The following TMEM40 variants were observed in gnomAD, a reference collection of about 807,000 sequenced individuals.
TMEM40 encodes transmembrane protein 40.
In TMEM40, 34 loss-of-function variants were observed where a neutral mutation model predicts 40.8. That is an observed-to-expected ratio of 0.83 (90% confidence interval 0.63 to 1.11). The LOEUF (loss-of-function observed/expected upper bound fraction) is 1.11, where lower values mean the gene tolerates loss of function less well. Ranked by LOEUF, TMEM40 falls within the 50% of genes least tolerant of loss-of-function variation. The pLI is 0.00. For synonymous variants in TMEM40, 106 were observed against 107.0 expected, an observed-to-expected ratio of 0.99 and a Z score of 0.06; for missense variants, 296 against 280.2, an observed-to-expected ratio of 1.06 and a Z score of -0.40.
chr3:12,748,620 T>A lies in TMEM40; in HGVS notation c.211+35A>T, dbSNP rs765282209. On this transcript the variant is annotated intron_variant, in intron 3 of 11. Coordinates refer to ENST00000314124, the MANE Select transcript of TMEM40 (RefSeq NM_018306.4). ...TATTTCCCCATGTAAATCTTTTTCT[T>A]GAATAATATACATATATTTAAATCT... 8 of 1,580,948 alleles carry A rather than the reference T, an allele frequency of 5.1e-6. No individual in the cohort carries two copies. In the South Asian group the frequency reaches 6.7e-5, roughly 13 times the overall value.
At chr3:12,741,866 C>G (rs9825561) in intron 5 of TMEM40, among the ~76,000 whole-genome samples, 15,017 of 151,634 alleles carry the variant, frequency 0.099, 2,095 homozygotes, top group African/African-American at 0.31. Context: ...AGGCCAAGGC[C>G]GGAGGATCAC....
In TMEM40 at chr3:12,748,702, G is replaced by A. The variant is rs761392282; in HGVS notation, c.164C>T (p.Ser55Phe). ...YERNKSSSSSSSSSSSSSSSS... is the reference protein window; with the variant it reads ...YERNKSSSSSFSSSSSSSSSS... ...AGATGAGGAGGATGAGGAGGAAGAGGAGGAGGAGGAAGAAGACTTGTTTCT... is the reference window on the plus strand; with the variant it reads ...AGATGAGGAGGATGAGGAGGAAGAGAAGGAGGAGGAAGAAGACTTGTTTCT... The change falls in exon 3 of 12, where the codon TCC becomes TTC. Residue 55 changes from serine to phenylalanine, a missense_variant. Ser to Phe is a radical substitution (Grantham distance 155). Transcript: ENST00000314124. 3 of 1,613,726 alleles carry A rather than the reference G, an allele frequency of 1.9e-6. No homozygotes were observed. The highest frequency in any genetic ancestry group is 1.3e-5 in the African/African-American group (1 of 74,908).
intron 3 of TMEM40, among the ~76,000 whole-genome samples, chr3:12,744,435 C>T (rs192916758): frequency 1.2e-4 from 18 of 152,310 alleles, no homozygotes; most frequent in African/African-American, 4.3e-4. Context: ...GCTGATGTCA[C>T]ACCTCCTGTA....
At chr3:12,742,197 T>A (rs996964679) in intron 5 of TMEM40, among the ~76,000 whole-genome samples, 1 of 152,090 alleles carries the variant, frequency 6.6e-6, no homozygotes, top group African/African-American at 2.4e-5. Flanking sequence ...ACCACTGCAC[T>A]CCAGCCTGGG....
intron 1 of TMEM40, among the ~76,000 whole-genome samples, chr3:12,757,205 C>G (rs939212589): frequency 5.9e-5 from 9 of 152,168 alleles, no homozygotes; most frequent in African/African-American, 2.4e-5. Context: ...TGCGGTGGCT[C>G]ATGTCTGTAA....
At chr3:12,744,104 G>A (rs560220334) in intron 3 of TMEM40, 115 bp from the exon 4 acceptor site, 2 of 1,056,340 alleles carry the variant, frequency 1.9e-6, no homozygotes, top group Non-Finnish European at 2.7e-6. Flanking sequence ...TGGTTTGGTG[G>A]GAGGAACTCT....
rs111416953 is a variant in TMEM40 at position 12,738,632 on chromosome 3, G to A, written c.356-44C>T. The A allele has an allele frequency of 7.7e-4, 1,226 of 1,582,428 alleles. 13 individuals are homozygous for A. The African/African-American group carries it at 0.014, about 18-fold the overall frequency. On this transcript the variant is annotated intron_variant, in intron 5 of 11. Transcript: ENST00000314124. ...AGTGATCATATACCCATGATCCTCT[G>A]GGGGGGGAGAAGTCATGCTTCAGGG...
chr3:12,763,340 T>C (rs2061581300), upstream of TMEM40, among the ~76,000 whole-genome samples: 1 of 152,108 alleles, frequency 6.6e-6, no homozygotes. Flanking sequence ...TGGTACAGGA[T>C]GGATGAACCT....
intron 3 of TMEM40, among the ~76,000 whole-genome samples, chr3:12,745,273 A>G: frequency 7.0e-6 from 1 of 141,988 alleles, no homozygotes; most frequent in Admixed American, 7.2e-5. Flanking sequence ...TCACCATGTT[A>G]GTGAGGCTGG....
intron 1 of TMEM40, among the ~76,000 whole-genome samples, chr3:12,768,817 G>A (rs6797393): frequency 0.5 from 75,159 of 151,186 alleles, 19,423 homozygotes; most frequent in Non-Finnish European, 0.58. Flanking sequence ...TTGGGCGGTC[G>A]ATGGGACCGG....
chr3:12,760,302 C>T (rs2061560425), upstream of TMEM40, among the ~76,000 whole-genome samples: 2 of 152,164 alleles, frequency 1.3e-5, no homozygotes, highest in South Asian at 4.1e-4. Context: ...GCAGCTGCCA[C>T]ACTCCCACTG....
chr3:12,764,842 G>A (rs924139133), intron 1 of TMEM40, among the ~76,000 whole-genome samples: 6 of 152,104 alleles, frequency 3.9e-5, no homozygotes, highest in Non-Finnish European at 8.8e-5. Context: ...AACCCAGGAG[G>A]CAGGTTTACA....
chr3:12,755,239 CTTTCTT>C (rs1559533402), intron 1 of TMEM40, among the ~76,000 whole-genome samples: 121 of 88,882 alleles, frequency 1.4e-3, no homozygotes, highest in South Asian at 1.4e-3. Flanking sequence ...CTCTCTCTTT[CTTTCTT>C]TCTTTCTTTC....
chr3:12,755,227 CTCTCTCTCTTTCTTTCTTTCTT>C (rs1234904847), intron 1 of TMEM40, among the ~76,000 whole-genome samples: 2 of 93,078 alleles, frequency 2.1e-5, no homozygotes, highest in African/African-American at 1.3e-4. Flanking sequence ...CTCTCTCTCT[CTCTCTCTCTTTCTTTCTTTCTT>C]TCTTTCTTTC....
chr3:12,735,189 G>C (rs1309995507), intron 11 of TMEM40, among the ~76,000 whole-genome samples: 1 of 152,154 alleles, frequency 6.6e-6, no homozygotes, highest in African/African-American at 2.4e-5. Context: ...TACCTCCCCA[G>C]TTGCTATTAG....
chr3:12,759,721 G>A (rs796484282), upstream of TMEM40, among the ~76,000 whole-genome samples: 17 of 152,318 alleles, frequency 1.1e-4, no homozygotes, highest in African/African-American at 3.8e-4. Flanking sequence ...GGGCTCAGGA[G>A]ACTGGCAGTG....
In TMEM40 at chr3:12,743,916, G is replaced by C; in HGVS notation, c.285C>G (p.His95Gln). ...HRRSLGAGYP[H>Q]GNGSPGPGHG... ...ATTTCCTACCGGGTGAGCCGTTCCC[G>C]TGGGGGTATCCAGCCCCCAGGCTCC... The change falls in exon 4 of 12, where the codon CAC (histidine) becomes CAG (glutamine). Residue 95 changes from histidine (H) to glutamine (Q), a missense_variant. His to Gln is a conservative substitution (Grantham distance 24, BLOSUM62 0). Coordinates refer to ENST00000314124, the MANE Select transcript of TMEM40 (RefSeq NM_018306.4). 1.2e-6 allele frequency: 2 copies of C among 1,613,290 alleles called. No homozygotes were observed. The highest frequency in any genetic ancestry group is 2.7e-5 in the African/African-American group (2 of 75,050).
At chr3:12,735,192 G>T (rs1373343569) in intron 11 of TMEM40, among the ~76,000 whole-genome samples, 9 of 152,296 alleles carry the variant, frequency 5.9e-5, no homozygotes, top group Admixed American at 4.6e-4. Context: ...CTCCCCAGTT[G>T]CTATTAGGCA....
rs62243684 is a variant in TMEM40, at chr3:12,765,269, C to T, written c.-9+3982G>A. 2.1e-4 allele frequency among the ~76,000 whole-genome samples: 32 copies of T among 152,104 alleles called. No homozygotes were observed. In the East Asian group the frequency reaches 6.0e-3, roughly 28 times the overall value. On this transcript the variant is annotated intron_variant, in intron 1 of 11. Coordinates refer to the TMEM40 transcript ENST00000264728. Reference sequence around the variant, plus strand: ...TACTCAACAATCTTATTGTTTTAAGCAGAAAAATCCTTTTGACAAATAAAA... The same window carrying T: ...TACTCAACAATCTTATTGTTTTAAGTAGAAAAATCCTTTTGACAAATAAAA...
Sources: gnomAD v4.1 joint callset for allele counts (sites outside exome capture counted in the v4.1 genomes callset) on GRCh38, gnomAD v4.1.1 for gene constraint, MANE v1.5 for transcripts, NCBI Gene and HGNC (gene_info 2026-07-23, HGNC 2026-07-21) for gene names.